Variants in CPE observed in about 807,000 individuals in gnomAD.
CPE encodes carbocypeptidase E.
Under a neutral mutation model 53.5 loss-of-function variants are expected in CPE, and 17 were observed. The ratio of observed to expected loss-of-function variants is 0.32; its 90% confidence interval spans 0.22 to 0.48. CPE has a LOEUF of 0.48. Ranked by LOEUF, CPE falls within the 20% of genes least tolerant of loss-of-function variation. CPE has a pLI of 0.99. For missense variants in CPE, 524 were observed against 614.7 expected, an observed-to-expected ratio of 0.85 and a Z score of 1.56; for synonymous variants, 226 against 228.8, an observed-to-expected ratio of 0.99 and a Z score of 0.11.
intron 3 of CPE, among the ~76,000 whole-genome samples, chr4:165,475,522 C>T (rs1455659942): frequency 1.3e-5 from 2 of 152,228 alleles, no homozygotes; most frequent in Admixed American, 6.5e-5. Flanking sequence ...TAAGAAGTTA[C>T]ATGGCATGTG....
Position 165,379,300 on chromosome 4 carries a change from G to A in CPE, c.79G>A (p.Ala27Thr), listed in dbSNP as rs1456372863. Residue 27 changes from alanine to threonine, a missense_variant, in exon 1 of 9, where the codon GCC becomes ACC. By Grantham distance (58) the Ala-to-Thr change is moderately conservative (BLOSUM62 0). Coordinates refer to ENST00000402744, the MANE Select transcript of CPE (RefSeq NM_001873.4). This position sits in a 1 kb window ranked among gnomAD's most constrained non-coding sequence, Gnocchi z 6.0. ...CTGCGGGTGGCTCCTGGGCGCCGAA[G>A]CCCAGGAGCCCGGGGCGCCCGCGGC... ...AACGWLLGAE[A>T]QEPGAPAAGM... is the part of the protein sequence containing the mutation. 6.5e-7 allele frequency: 1 copy of A among 1,538,318 alleles called. No homozygotes were observed. The highest frequency in any genetic ancestry group is 2.0e-5 in the Admixed American group (1 of 50,768).
At chr4:165,476,481 A>T (rs1560893510) in intron 3 of CPE, among the ~76,000 whole-genome samples, 3 of 144,592 alleles carry the variant, frequency 2.1e-5, no homozygotes, top group Non-Finnish European at 4.5e-5. Flanking sequence ...TACCAGTTAA[A>T]CTCTGCCATT....
At chr4:165,493,145 T>A (rs200971710) in intron 6 of CPE, 26 bp from the exon 7 acceptor site, 1 of 1,469,448 alleles carries the variant, frequency 6.8e-7, no homozygotes, top group Non-Finnish European at 9.5e-7. Flanking sequence ...TCATATTAAT[T>A]TTTTGGTTAT....
At position 165,430,095 on chromosome 4, in the gene CPE, C is replaced by T. The variant is rs143718799; in HGVS notation, c.308-34295C>T. On this transcript the variant is annotated intron_variant, in intron 1 of 8. Transcript: ENST00000402744. ...CTTATTATTATTGTGCTCTTTAAAACGAATTGATTGTAGTCTTTTTGAAAA... is the reference window on the plus strand; with the variant it reads ...CTTATTATTATTGTGCTCTTTAAAATGAATTGATTGTAGTCTTTTTGAAAA... Among the ~76,000 whole-genome samples the T allele has an allele frequency of 4.8e-3, 734 of 151,970 alleles. 8 individuals carry two copies. The highest frequency in any genetic ancestry group is 0.017 in the African/African-American group (698 of 41,472).
intron 1 of CPE, among the ~76,000 whole-genome samples, chr4:165,407,230 C>G (rs764482389): frequency 1.8e-4 from 28 of 152,174 alleles, no homozygotes; most frequent in Admixed American, 4.6e-4. Context: ...GTTCCAATTT[C>G]TCTATATCCT....
chr4:165,415,765 AC>A (rs1553972388), intron 1 of CPE, among the ~76,000 whole-genome samples: 2 of 75,278 alleles, frequency 2.7e-5, no homozygotes, highest in African/African-American at 4.3e-5. Context: ...CATATATATT[AC>A]ATACATACAT....
chr4:165,475,244 A>G (rs61610918), intron 3 of CPE, among the ~76,000 whole-genome samples: 22,140 of 152,142 alleles, frequency 0.15, 1,958 homozygotes, highest in East Asian at 0.23. Context: ...ACCTATGCAG[A>G]CACACAAAGT....
In CPE at chr4:165,423,453, A is replaced by G. The variant is rs182973705; in HGVS notation, c.308-40937A>G. Among the ~76,000 whole-genome samples, 64 of 151,950 alleles carry G rather than the reference A, an allele frequency of 4.2e-4. No homozygotes were observed. The East Asian group carries it at 0.012, about 29-fold the overall frequency. ...CAGTTTCATCATATGGTTATTAGAGAATGTGATCTATAGTCTTTCTTATTT... is the reference window on the plus strand; with the variant it reads ...CAGTTTCATCATATGGTTATTAGAGGATGTGATCTATAGTCTTTCTTATTT... On this transcript the variant is annotated intron_variant, in intron 1 of 8. Transcript: ENST00000402744.
intron 7 of CPE, among the ~76,000 whole-genome samples, chr4:165,495,105 C>T (rs1026219451): frequency 2.0e-5 from 3 of 152,188 alleles, no homozygotes; most frequent in Non-Finnish European, 4.4e-5. Flanking sequence ...TATTCTAAGT[C>T]TTTAGAAATC....
At chr4:165,414,325 A>G (rs1731087902) in intron 1 of CPE, among the ~76,000 whole-genome samples, 1 of 152,224 alleles carries the variant, frequency 6.6e-6, no homozygotes. Flanking sequence ...AAATAAAAGC[A>G]AAGGTATACA....
At chr4:165,430,415 A>T (rs1461722343) in intron 1 of CPE, among the ~76,000 whole-genome samples, 1 of 152,204 alleles carries the variant, frequency 6.6e-6, no homozygotes, top group Non-Finnish European at 1.5e-5. Flanking sequence ...GGATTTCAGA[A>T]TGATGTTTAT....
intron 3 of CPE, among the ~76,000 whole-genome samples, chr4:165,479,965 C>A (rs1732374413): frequency 1.4e-5 from 2 of 143,252 alleles, no homozygotes; most frequent in Admixed American, 7.3e-5. Context: ...GCACTCTAGC[C>A]TGGGTGACAG....
chr4:165,437,593 A>T (rs1335345650), intron 1 of CPE, among the ~76,000 whole-genome samples: 1 of 152,224 alleles, frequency 6.6e-6, no homozygotes, highest in Non-Finnish European at 1.5e-5. Flanking sequence ...AGATCATTAT[A>T]TCTAATGACC....
At chr4:165,488,900 A>G (rs1732554340) in intron 6 of CPE, among the ~76,000 whole-genome samples, 1 of 152,170 alleles carries the variant, frequency 6.6e-6, no homozygotes, top group Non-Finnish European at 1.5e-5. Flanking sequence ...ATTCTTTTAC[A>G]CATGTCAAAT....
rs1730947214 is a variant in CPE at position 165,406,014 on chromosome 4, T to C, written c.307+26486T>C. ...ATCTGTGTTACTTCTTGAGGGGTCT[T>C]GCAAGTGGCTAAAATGTTGATATCA... On this transcript the variant is annotated intron_variant, in intron 1 of 8. Transcript: ENST00000402744. The C allele has an allele frequency of 9.3e-6, 7 of 753,976 alleles. No homozygotes were observed. In the East Asian group the frequency reaches 1.5e-4, roughly 16 times the overall value. 46.7% of individuals were successfully genotyped at this position (753,976 alleles called of 1,614,324 possible).
intron 3 of CPE, 152 bp downstream of exon 3, chr4:165,468,007 C>A: frequency 1.1e-6 from 1 of 891,328 alleles, no homozygotes; most frequent in Non-Finnish European, 1.6e-6. Flanking sequence ...AGGGCTGGTG[C>A]CATGAAATTT....
rs1234769933 is a variant in CPE, at chr4:165,434,522, T to A, written c.308-29868T>A. On this transcript the variant is annotated intron_variant, in intron 1 of 8. Transcript: ENST00000402744. ...TACAGAAAAGGTCATTTCATGTGCC[T>A]TAATGTAATACTAAATATTATATAC... Among the ~76,000 whole-genome samples the A allele has an allele frequency of 2.0e-5, 3 of 152,206 alleles. No homozygotes were observed. In the East Asian group the frequency reaches 5.8e-4, roughly 29 times the overall value.
At chr4:165,418,768 A>AT (rs1731163536) in intron 1 of CPE, among the ~76,000 whole-genome samples, 1 of 152,174 alleles carries the variant, frequency 6.6e-6, no homozygotes, top group Non-Finnish European at 1.5e-5. Flanking sequence ...TGTACTAAAC[A>AT]TTTTTTTCCA....
intron 1 of CPE, among the ~76,000 whole-genome samples, chr4:165,384,399 G>A (rs1017591688): frequency 6.6e-6 from 1 of 152,192 alleles, no homozygotes; most frequent in Non-Finnish European, 1.5e-5. Context: ...GAGGCAGGAG[G>A]AGTGCTTAAG....
Sources: allele counts gnomAD v4.1 joint callset (sites outside exome capture counted in the v4.1 genomes callset), GRCh38; gene constraint gnomAD v4.1.1; non-coding constraint Gnocchi (gnomAD v3.1); transcripts MANE v1.5; gene names NCBI Gene and HGNC (gene_info 2026-07-23, HGNC 2026-07-21).